Variants in DAPK1 observed in about 807,000 individuals in gnomAD.
DAPK1 encodes the protein death-associated protein kinase 1.
Under a neutral mutation model 144.9 loss-of-function variants are expected in DAPK1, and 56 were observed. The ratio of observed to expected loss-of-function variants is 0.39; its 90% CI spans 0.31 to 0.48. The LOEUF (loss-of-function observed/expected upper bound fraction) is 0.48. Ranked by LOEUF, DAPK1 falls within the 20% of genes least tolerant of loss-of-function variation. DAPK1 has a pLI of 0.95. For synonymous variants in DAPK1, 690 were observed against 749.0 expected (o/e 0.92, Z 1.29); for missense variants, 1,454 against 1,875.4 (o/e 0.78, Z 4.15).
At chr9:87,518,808 C>G (rs1331313638) in intron 2 of DAPK1, among the ~76,000 whole-genome samples, 1 of 152,056 alleles carries the variant, frequency 6.6e-6, no homozygotes, top group Admixed American at 6.6e-5. Flanking sequence ...AGAGTCTGGC[C>G]CGCGCCCAGT....
At chr9:87,675,862 C>CACAG (rs2119310000) in intron 19 of DAPK1, among the ~76,000 whole-genome samples, 1 of 149,620 alleles carries the variant, frequency 6.7e-6, no homozygotes, top group East Asian at 2.0e-4. Context: ...CACACACACA[C>CACAG]ACACACACAC....
At chr9:87,533,734 C>T (rs947724965) in intron 2 of DAPK1, among the ~76,000 whole-genome samples, 18 of 152,234 alleles carry the variant, frequency 1.2e-4, no homozygotes, top group African/African-American at 3.4e-4. Flanking sequence ...GTGATCTGGG[C>T]TCACTGCAAC....
At chr9:87,651,496 A>C in intron 16 of DAPK1, 31 bp from the exon 17 acceptor site, 1 of 1,610,312 alleles carries the variant, frequency 6.2e-7, no homozygotes, top group Non-Finnish European at 8.5e-7. Flanking sequence ...CCAAGTGAAA[A>C]GCTCTCATGA....
intron 2 of DAPK1, among the ~76,000 whole-genome samples, chr9:87,499,548 A>T (rs1010872827): frequency 1.3e-5 from 2 of 152,212 alleles, no homozygotes; most frequent in Non-Finnish European, 2.9e-5. Flanking sequence ...TTAGTACTTT[A>T]CCCTCTATCT....
intron 18 of DAPK1, among the ~76,000 whole-genome samples, chr9:87,658,771 C>T (rs1587819234): frequency 6.6e-6 from 1 of 152,358 alleles, no homozygotes; most frequent in Non-Finnish European, 1.5e-5. Context: ...AATTTTATGG[C>T]TGCAGTGAAA....
intron 2 of DAPK1, among the ~76,000 whole-genome samples, chr9:87,592,350 AG>A (rs1828168967): frequency 6.6e-6 from 1 of 152,144 alleles, no homozygotes; most frequent in Non-Finnish European, 1.5e-5. Flanking sequence ...CTTCCCTGCC[AG>A]GGGATTATGT....
chr9:87,526,474 G>A (rs148567831), intron 2 of DAPK1, among the ~76,000 whole-genome samples: 31 of 152,266 alleles, frequency 2.0e-4, no homozygotes, highest in African/African-American at 6.5e-4. Context: ...TGCTGTCTAC[G>A]TTAATAGTTC....
chr9:87,522,495 G>C (rs1315598144), intron 2 of DAPK1, among the ~76,000 whole-genome samples: 1 of 151,958 alleles, frequency 6.6e-6, no homozygotes, highest in Non-Finnish European at 1.5e-5. Flanking sequence ...TTACTACATA[G>C]GAAGACATGC....
At chr9:87,566,902 T>G (rs1396460441) in intron 2 of DAPK1, among the ~76,000 whole-genome samples, 1 of 152,114 alleles carries the variant, frequency 6.6e-6, no homozygotes, top group African/African-American at 2.4e-5. Context: ...TTTTGGCAGG[T>G]CCCTCCTTGC....
intron 2 of DAPK1, chr9:87,553,436 C>G (rs1211708907): frequency 6.6e-6 from 1 of 151,962 alleles, no homozygotes; most frequent in Non-Finnish European, 1.5e-5. Flanking sequence ...TATCCCAAGC[C>G]CTGAGCACTA....
At chr9:87,647,276 A>T in intron 13 of DAPK1, 29 bp from the exon 14 acceptor site, 1 of 1,589,026 alleles carries the variant, frequency 6.3e-7, no homozygotes, top group Non-Finnish European at 8.6e-7. Flanking sequence ...GCTCCCTAGA[A>T]ATGTGACCCC....
chr9:87,651,969 C>T (rs1830459127), intron 17 of DAPK1, among the ~76,000 whole-genome samples: 1 of 134,644 alleles, frequency 7.4e-6, no homozygotes, highest in Non-Finnish European at 1.6e-5. Context: ...TGTGTCCTCC[C>T]ACCTGATCCC....
intron 3 of DAPK1, among the ~76,000 whole-genome samples, chr9:87,634,768 A>G (rs1028152822): frequency 6.6e-6 from 1 of 151,644 alleles, no homozygotes; most frequent in African/African-American, 2.4e-5. Flanking sequence ...TCCCTCCCCA[A>G]CTCCACCCAC....
intron 2 of DAPK1, among the ~76,000 whole-genome samples, chr9:87,596,039 G>C (rs36206209): frequency 6.6e-6 from 1 of 151,104 alleles, no homozygotes; most frequent in Non-Finnish European, 1.5e-5. Context: ...CCTCTGCCTC[G>C]TAGCTTCTTG....
chr9:87,655,465 A>T (rs1291896139), intron 17 of DAPK1, among the ~76,000 whole-genome samples: 1 of 152,208 alleles, frequency 6.6e-6, no homozygotes, highest in Non-Finnish European at 1.5e-5. Context: ...AGCTTTCTAG[A>T]GACTCACTCA....
At chr9:87,502,789 T>C (rs1824454488) in intron 2 of DAPK1, among the ~76,000 whole-genome samples, 1 of 152,164 alleles carries the variant, frequency 6.6e-6, no homozygotes, top group Admixed American at 6.5e-5. Context: ...TGTTTATTAG[T>C]CTTGTATTAC....
intron 2 of DAPK1, among the ~76,000 whole-genome samples, chr9:87,509,178 T>G (rs2118087055): frequency 6.6e-6 from 1 of 152,344 alleles, no homozygotes; most frequent in Non-Finnish European, 1.5e-5. Context: ...ATACGTATCC[T>G]GTAGAGAACA....
chr9:87,501,547 A>AG (rs1824399626), intron 2 of DAPK1, among the ~76,000 whole-genome samples: 1 of 151,606 alleles, frequency 6.6e-6, no homozygotes. Context: ...TCTGTCTCAA[A>AG]AAAAAAAGAA....
At chr9:87,618,640 A>AAC (rs1829182179) in intron 3 of DAPK1, among the ~76,000 whole-genome samples, 2 of 152,210 alleles carry the variant, frequency 1.3e-5, no homozygotes, top group South Asian at 4.1e-4. Context: ...TGCTAAGTGA[A>AAC]AGAGGCCAGA....
Sources: allele counts gnomAD v4.1 joint callset (sites outside exome capture counted in the v4.1 genomes callset), GRCh38; gene constraint gnomAD v4.1.1; transcripts MANE v1.5; gene names NCBI Gene and HGNC (gene_info 2026-07-23, HGNC 2026-07-21).